EP300: variants seen among roughly 807,000 people sequenced by gnomAD.
The protein encoded by EP300 is EP300 lysine acetyltransferase.
In EP300, 31 loss-of-function variants were observed where a neutral mutation model predicts 264.0. The observed-to-expected ratio is 0.12, with a 90% CI of 0.09 to 0.16. The LOEUF (loss-of-function observed/expected upper bound fraction) is 0.16. Among genes scored for constraint, EP300 ranks in the 10% least tolerant of loss-of-function variants. The pLI, the probability that EP300 is intolerant of heterozygous loss-of-function variation, is 1.00. For missense variants in EP300, 2,766 were observed against 3,052.9 expected (o/e 0.91, Z 2.21); for synonymous variants, 1,340 against 1,045.4 (o/e 1.28, Z -5.44).
At chr22:41,159,225 TAAC>T (rs1360650476) in intron 19 of EP300, 1 of 152,474 alleles carries the variant, frequency 6.6e-6, no homozygotes, top group East Asian at 1.9e-4. Flanking sequence ...GATACAATAA[TAAC>T]AAGGCTGGAT....
At chr22:41,122,018 C>T (rs1255400205) in intron 2 of EP300, among the ~76,000 whole-genome samples, 2 of 152,108 alleles carry the variant, frequency 1.3e-5, no homozygotes, top group African/African-American at 4.8e-5. Flanking sequence ...ACATAGGTAG[C>T]AGCAGCACTT....
intron 1 of EP300, among the ~76,000 whole-genome samples, chr22:41,096,612 CTTTTTTTTTTT>C (rs749353769): frequency 6.7e-5 from 7 of 104,474 alleles, no homozygotes; most frequent in Admixed American, 3.0e-4. Flanking sequence ...GTCAGCTCTA[CTTTTTTTTTTT>C]TTTTTTTTTT....
chr22:41,099,351 A>G (rs2058718969), intron 1 of EP300, among the ~76,000 whole-genome samples: 1 of 152,128 alleles, frequency 6.6e-6, no homozygotes, highest in Non-Finnish European at 1.5e-5. Flanking sequence ...TTTTTCGTGG[A>G]TATACAGTAG....
Position 41,158,437 on chromosome 22 carries a change from G to T in EP300, c.3527G>T (p.Cys1176Phe), listed in dbSNP as rs2059089478. ...RKLEFSPQTL[C>F]CYGKQLCTIP... ...TTGGAGTTCTCTCCACAGACACTGT[G>T]TTGCTACGGCAAACAGTTGTGCACA... The change falls in exon 19 of 31, where the codon TGT (cysteine) becomes TTT (phenylalanine). Residue 1176 changes from cysteine to phenylalanine, a missense_variant. Cys to Phe is a radical substitution (Grantham distance 205). Transcript: ENST00000263253. 6.2e-7 allele frequency: 1 copy of T among 1,614,040 alleles called. No individual in the cohort carries two copies. Among genetic ancestry groups the T allele is most frequent in the Non-Finnish European group, 8.5e-7 (1 of 1,180,024 alleles).
chr22:41,105,070 G>A lies in EP300; in HGVS notation c.94+11972G>A, dbSNP rs1050400734. Reference sequence around the variant, plus strand: ...AAATTAGCCGGGCGTAGTGGCGGGCGCCTGTAGTCCCAGCTACTCAGGAGG... The same window carrying A: ...AAATTAGCCGGGCGTAGTGGCGGGCACCTGTAGTCCCAGCTACTCAGGAGG... On this transcript the variant is annotated intron_variant, in intron 1 of 30. Transcript: ENST00000263253. Among the ~76,000 whole-genome samples the A allele has an allele frequency of 5.3e-5, 8 of 151,546 alleles. No individual in the cohort carries two copies. In the South Asian group the frequency reaches 6.3e-4, roughly 12 times the overall value.
At chr22:41,162,284 A>G (rs901940084) in intron 20 of EP300, among the ~76,000 whole-genome samples, 2 of 152,154 alleles carry the variant, frequency 1.3e-5, no homozygotes, top group African/African-American at 4.8e-5. Context: ...AGTATAACAG[A>G]AGTCCAAGTT....
At chr22:41,102,046 T>C (rs1249765856) in intron 1 of EP300, among the ~76,000 whole-genome samples, 1 of 150,174 alleles carries the variant, frequency 6.7e-6, no homozygotes, top group African/African-American at 2.5e-5. Context: ...TTTTTTTTTT[T>C]AGTACTGGTT....
At chr22:41,127,806 GA>G in intron 4 of EP300, 58 bp downstream of exon 4, 2 of 1,603,214 alleles carry the variant, frequency 1.2e-6, no homozygotes, top group South Asian at 2.2e-5. Flanking sequence ...GGAGAAGAAG[GA>G]AAATGTGATC....
chr22:41,177,324 C>CACTTCTCAGCCTCAGCCT lies in EP300; in HGVS notation c.5616_5633dup (p.Ser1873_Thr1878dup). 1 of 1,614,030 alleles carries CACTTCTCAGCCTCAGCCT rather than the reference C, an allele frequency of 6.2e-7. No homozygotes were observed. The highest frequency in any genetic ancestry group is 1.1e-5 in the South Asian group (1 of 91,076). On this transcript the variant is annotated inframe_insertion, in exon 31 of 31. Coordinates refer to ENST00000263253, the MANE Select transcript of EP300 (RefSeq NM_001429.4). ...CAACCACCCCGCAGACGCCCCAGCC[C>CACTTCTCAGCCTCAGCCT]ACTTCTCAGCCTCAGCCTACCCCTC...
chr22:41,093,041 G>T lies in EP300; in HGVS notation c.37G>T (p.Ala13Ser). Residue 13 changes from alanine to serine, a missense_variant, in exon 1 of 31, where the codon GCC (alanine) becomes TCC (serine). Physicochemically the swap from Ala to Ser is moderately conservative, Grantham distance 99. Coordinates refer to ENST00000263253, the MANE Select transcript of EP300 (RefSeq NM_001429.4). ...ENVVEPGPPSAKRPKLSSPAL... is the reference protein window; with the variant it reads ...ENVVEPGPPSSKRPKLSSPAL... ...TGTGGTGGAACCGGGGCCGCCTTCAGCCAAGCGGCCTAAACTCTCATCTCC... is the reference window on the plus strand; with the variant it reads ...TGTGGTGGAACCGGGGCCGCCTTCATCCAAGCGGCCTAAACTCTCATCTCC... The T allele has an allele frequency of 6.2e-7, 1 of 1,614,150 alleles. No homozygotes were observed. The highest frequency in any genetic ancestry group is 8.5e-7 in the Non-Finnish European group (1 of 1,180,024).
At chr22:41,138,273 C>T (rs775381130) in intron 8 of EP300, among the ~76,000 whole-genome samples, 2 of 152,146 alleles carry the variant, frequency 1.3e-5, no homozygotes, top group Non-Finnish European at 2.9e-5. Context: ...CAGTGATTCT[C>T]CTGTCTCAGC....
At position 41,179,623 on chromosome 22, in the gene EP300, C is replaced by G. The variant is rs954825119; in HGVS notation, c.*667C>G. The G allele has an allele frequency of 1.8e-5, 4 of 220,012 alleles. No homozygotes were observed. The highest frequency in any genetic ancestry group is 6.8e-5 in the African/African-American group (3 of 44,144). The allele number at this position is 220,012 out of a possible 1,614,324, so 13.6% of individuals were successfully genotyped here. ...TTCTGTAAGTCTGAGCGTAAAACTTCAAGTATTAAAATAATTTGTACATGT... is the reference window on the plus strand; with the variant it reads ...TTCTGTAAGTCTGAGCGTAAAACTTGAAGTATTAAAATAATTTGTACATGT... On this transcript the variant is annotated 3_prime_UTR_variant, in exon 31 of 31. Coordinates refer to ENST00000263253, the MANE Select transcript of EP300 (RefSeq NM_001429.4).
rs1347049247 is a variant in EP300 at position 41,168,765 on chromosome 22, C to G, written c.4070C>G (p.Thr1357Ser). ...ATGGCAGAATCCTTTCCATACCGAA[C>G]CAAAGCCCTCTTTGCCTTTGAAGAA... Reference protein sequence around the residue: ...GEMAESFPYRTKALFAFEEID... With the variant: ...GEMAESFPYRSKALFAFEEID... Residue 1357 changes from threonine (T) to serine (S), a missense_variant, in exon 25 of 31, where the codon ACC becomes AGC. Thr to Ser is a moderately conservative substitution (Grantham distance 58). Coordinates refer to ENST00000263253, the MANE Select transcript of EP300 (RefSeq NM_001429.4). 1 of 1,614,162 alleles carries G rather than the reference C, an allele frequency of 6.2e-7. No homozygotes were observed. The highest frequency in any genetic ancestry group is 8.5e-7 in the Non-Finnish European group (1 of 1,180,042).
intron 1 of EP300, among the ~76,000 whole-genome samples, chr22:41,102,423 A>G (rs186447798): frequency 1.5e-3 from 235 of 152,310 alleles, no homozygotes; most frequent in Admixed American, 4.3e-3. Context: ...CAGGCTAGAA[A>G]GGAGACTGTG....
intron 20 of EP300, among the ~76,000 whole-genome samples, chr22:41,162,283 G>A (rs2059112472): frequency 6.6e-6 from 1 of 152,150 alleles, no homozygotes; most frequent in Non-Finnish European, 1.5e-5. Flanking sequence ...AAGTATAACA[G>A]AAGTCCAAGT....
intron 27 of EP300, among the ~76,000 whole-genome samples, chr22:41,172,270 C>T (rs2059175101): frequency 6.6e-6 from 1 of 152,176 alleles, no homozygotes; most frequent in African/African-American, 2.4e-5. Flanking sequence ...GATAAGCTCC[C>T]TGTTTTTGTG....
chr22:41,128,864 T>C (rs1269539421), intron 4 of EP300, among the ~76,000 whole-genome samples: 1 of 152,068 alleles, frequency 6.6e-6, no homozygotes, highest in Non-Finnish European at 1.5e-5. Flanking sequence ...AAAATTCCAT[T>C]GTCTAAATGC....
chr22:41,112,314 C>G (rs1354660288), intron 1 of EP300, among the ~76,000 whole-genome samples: 1 of 152,106 alleles, frequency 6.6e-6, no homozygotes, highest in Non-Finnish European at 1.5e-5. Context: ...TTCAGCCTCC[C>G]AAGTAGCTGG....
In EP300 at chr22:41,138,794, TC is replaced by T. The variant is rs1249302237; in HGVS notation, c.1760+1006del. ...TAATAGCAGGGTCGTCTTTACTGTA[TC>T]CATATTTTTTAATTGACTGAGGAAC... On this transcript the variant is annotated intron_variant, in intron 8 of 30. Transcript: ENST00000263253. Among the ~76,000 whole-genome samples the T allele has an allele frequency of 3.3e-5, 5 of 152,216 alleles. No individual in the cohort carries two copies. In the East Asian group the frequency reaches 7.7e-4, roughly 23 times the overall value.
Sources: gnomAD v4.1 joint callset for allele counts (sites outside exome capture counted in the v4.1 genomes callset) on GRCh38, gnomAD v4.1.1 for gene constraint, MANE v1.5 for transcripts, NCBI Gene and HGNC (gene_info 2026-07-23, HGNC 2026-07-21) for gene names.